Variants in CFDP1 observed in about 807,000 individuals in gnomAD.
The protein encoded by CFDP1 is heterochromatin-stabilizing protein CFDP1.
CFDP1 carries 31 observed loss-of-function variants against 40.1 expected under a neutral mutation model. That is an observed-to-expected ratio of 0.77 (90% CI 0.58 to 1.04). The LOEUF is 1.04. Ranked by LOEUF, CFDP1 falls within the 50% of genes least tolerant of loss-of-function variation. The pLI is 0.00. For synonymous variants in CFDP1, 167 were observed against 120.0 expected (o/e 1.39, Z -2.56); for missense variants, 423 against 343.4 (o/e 1.23, Z -1.83).
intron 5 of CFDP1, among the ~76,000 whole-genome samples, chr16:75,357,204 C>T (rs2078650573): frequency 6.6e-6 from 1 of 151,836 alleles, no homozygotes; most frequent in South Asian, 2.1e-4. Flanking sequence ...TGAGCCACCT[C>T]GACCAGCCTG....
Position 75,433,463 on chromosome 16 carries a change from C to G in CFDP1, c.-111G>C, listed in dbSNP as rs1209433773. ...CCGGCGGCGGCGACGGCAGCTAGGGCGGCCCCCGACAGCGCTTTGCACATG... is the reference window on the plus strand; with the variant it reads ...CCGGCGGCGGCGACGGCAGCTAGGGGGGCCCCCGACAGCGCTTTGCACATG... On this transcript the variant is annotated 5_prime_UTR_variant, in exon 1 of 7. Transcript: ENST00000283882. 3 of 1,004,444 alleles carry G rather than the reference C, an allele frequency of 3.0e-6. No individual in the cohort carries two copies. Among genetic ancestry groups the G allele is most frequent in the Non-Finnish European group, 4.5e-6 (3 of 668,242 alleles). The allele number at this position is 1,004,444 out of a possible 1,614,324, so 62.2% of individuals were successfully genotyped here. A position where few individuals can be genotyped will look rare whatever the true frequency, so the allele number is the denominator to read the frequency against.
chr16:75,373,749 A>G (rs1423765567), intron 5 of CFDP1, among the ~76,000 whole-genome samples: 1 of 152,166 alleles, frequency 6.6e-6, no homozygotes, highest in Non-Finnish European at 1.5e-5. Context: ...TGCTCTAGAT[A>G]CGAAGCCATT....
In CFDP1 at chr16:75,392,232, C is replaced by T. The variant is rs186646859; in HGVS notation, c.650+2858G>A. ...TAGCCTGGCCAACATAGTGAAACCCCATCTCTACTAAAAATACAAAAAATT... is the reference window on the plus strand; with the variant it reads ...TAGCCTGGCCAACATAGTGAAACCCTATCTCTACTAAAAATACAAAAAATT... On this transcript the variant is annotated intron_variant, in intron 5 of 6. Coordinates refer to ENST00000283882, the MANE Select transcript of CFDP1 (RefSeq NM_006324.3). Among the ~76,000 whole-genome samples the T allele has an allele frequency of 7.0e-4, 107 of 151,924 alleles. 1 individual carries two copies. The highest frequency in any genetic ancestry group is 2.6e-3 in the African/African-American group (107 of 41,456).
chr16:75,407,580 TG>T (rs2079112003), intron 4 of CFDP1, among the ~76,000 whole-genome samples: 1 of 144,320 alleles, frequency 6.9e-6, no homozygotes, highest in Admixed American at 7.5e-5. Context: ...CTCAGGAGGC[TG>T]AGGTCGGGGG....
chr16:75,333,448 C>T (rs1383018225), intron 5 of CFDP1, among the ~76,000 whole-genome samples: 1 of 152,014 alleles, frequency 6.6e-6, no homozygotes, highest in Non-Finnish European at 1.5e-5. Flanking sequence ...TGACATCTTT[C>T]GATGGGCAGA....
In CFDP1 at chr16:75,429,553, T is replaced by C. The variant is rs368068705; in HGVS notation, c.64+3736A>G. Among the ~76,000 whole-genome samples, 60 of 152,228 alleles carry C rather than the reference T, an allele frequency of 3.9e-4. No homozygotes were observed. In the East Asian group the frequency reaches 5.6e-3, roughly 14 times the overall value. On this transcript the variant is annotated intron_variant, in intron 1 of 6. Transcript: ENST00000283882. Reference sequence around the variant, plus strand: ...CCTGTATCCAAGCTACTTGGGAGGCTGAGGCAAGAGAATCGCTCAAACCCG... The same window carrying C: ...CCTGTATCCAAGCTACTTGGGAGGCCGAGGCAAGAGAATCGCTCAAACCCG...
At chr16:75,348,195 A>G (rs959166997) in intron 5 of CFDP1, among the ~76,000 whole-genome samples, 1 of 152,178 alleles carries the variant, frequency 6.6e-6, no homozygotes, top group African/African-American at 2.4e-5. Flanking sequence ...CACAGGAGTG[A>G]TCACAGCACA....
At chr16:75,349,650 CAAAAAAAAAAAAAAAAAA>C (rs61472076) in intron 5 of CFDP1, among the ~76,000 whole-genome samples, 1,452 of 23,260 alleles carry the variant, frequency 0.062, 64 homozygotes, top group African/African-American at 0.18. Context: ...GACTCCGTCT[CAAAAAAAAAAAAAAAAAA>C]AAAAAAAAAA....
In CFDP1 at chr16:75,364,152, C is replaced by A. The variant is rs759898485; in HGVS notation, c.650+30938G>T. Among the ~76,000 whole-genome samples, 179 of 109,224 alleles carry A rather than the reference C, an allele frequency of 1.6e-3. 1 individual carries two copies. Among genetic ancestry groups the A allele is most frequent in the East Asian group, 6.1e-3 (22 of 3,592 alleles). The allele number at this position is 109,224 out of a possible 152,430, so 71.7% of individuals were successfully genotyped here. On this transcript the variant is annotated intron_variant, in intron 5 of 6. Coordinates refer to ENST00000283882, the MANE Select transcript of CFDP1 (RefSeq NM_006324.3). The stretch of plus-strand genomic sequence containing the variant: ...AAACAAAACAAAACAAACAAACAAA[C>A]AAAAAAAACTATTACTTTAAGCACC...
intron 1 of CFDP1, among the ~76,000 whole-genome samples, chr16:75,424,195 A>T (rs1475381608): frequency 6.6e-6 from 1 of 152,228 alleles, no homozygotes; most frequent in Non-Finnish European, 1.5e-5. Context: ...CAATATATGC[A>T]GACTGCCAAG....
chr16:75,370,216 C>A (rs2078741669), intron 5 of CFDP1, among the ~76,000 whole-genome samples: 1 of 151,890 alleles, frequency 6.6e-6, no homozygotes, highest in Admixed American at 6.6e-5. Context: ...CCTTGGCCTC[C>A]CAAGTAACTG....
intron 5 of CFDP1, among the ~76,000 whole-genome samples, chr16:75,352,524 A>G (rs971416328): frequency 6.6e-6 from 1 of 152,214 alleles, no homozygotes; most frequent in Non-Finnish European, 1.5e-5. Context: ...TTTCATAACC[A>G]TAAGTGTAAT....
intron 5 of CFDP1, among the ~76,000 whole-genome samples, chr16:75,315,636 C>T (rs532012694): frequency 1.1e-4 from 16 of 152,158 alleles, no homozygotes; most frequent in South Asian, 2.1e-4. Flanking sequence ...TATCTAAATA[C>T]GCTTCACTTA....
intron 1 of CFDP1, among the ~76,000 whole-genome samples, chr16:75,418,218 C>T (rs1489628436): frequency 1.5e-5 from 2 of 133,038 alleles, no homozygotes; most frequent in African/African-American, 5.6e-5. Flanking sequence ...CACCACTGCA[C>T]TCCAGCCTGG....
chr16:75,397,587 G>T (rs558107306), intron 4 of CFDP1, among the ~76,000 whole-genome samples: 140 of 151,972 alleles, frequency 9.2e-4, no homozygotes, highest in Middle Eastern at 3.4e-3. Context: ...CAGATTATGA[G>T]GTCAGGAGTT....
At chr16:75,303,400 A>AATAAATGAATGAATGTATGTATGTATGT (rs745774792) in intron 6 of CFDP1, among the ~76,000 whole-genome samples, 1 of 146,168 alleles carries the variant, frequency 6.8e-6, no homozygotes, top group Non-Finnish European at 1.5e-5. Flanking sequence ...TAAATAAATA[A>AATAAATGAATGAATGTATGTATGTATGT]ATGTATGTAT....
intron 5 of CFDP1, among the ~76,000 whole-genome samples, chr16:75,347,877 C>T (rs189241893): frequency 4.6e-5 from 7 of 152,198 alleles, no homozygotes; most frequent in African/African-American, 1.2e-4. Context: ...TGCGAAATCA[C>T]GAAGCAAACC....
At chr16:75,427,996 C>T (rs903848061) in intron 1 of CFDP1, among the ~76,000 whole-genome samples, 1 of 152,182 alleles carries the variant, frequency 6.6e-6, no homozygotes, top group African/African-American at 2.4e-5. Flanking sequence ...AAGCTGCCTA[C>T]TGTTATGGTT....
intron 1 of CFDP1, among the ~76,000 whole-genome samples, chr16:75,430,661 A>G (rs1037885400): frequency 3.3e-5 from 5 of 152,074 alleles, no homozygotes; most frequent in Admixed American, 2.6e-4. Context: ...ATGGGGTTAC[A>G]CCACGTTGGC....
Sources: gnomAD v4.1 joint callset for allele counts (sites outside exome capture counted in the v4.1 genomes callset) on GRCh38, gnomAD v4.1.1 for gene constraint, MANE v1.5 for transcripts, NCBI Gene and HGNC (gene_info 2026-07-23, HGNC 2026-07-21) for gene names.